Variants in GSG1L observed in about 807,000 individuals in gnomAD.
GSG1L encodes GSG1 like, also known as germ cell-specific gene 1-like protein.
In GSG1L, 24 loss-of-function variants were observed where a neutral mutation model predicts 42.1. The observed-to-expected ratio is 0.57, with a 90% CI of 0.41 to 0.80. The LOEUF is 0.80. Ranked by LOEUF, GSG1L falls within the 30% of genes least tolerant of loss-of-function variation. GSG1L has a pLI of 0.00. For missense variants in GSG1L, 445 were observed against 472.2 expected (o/e 0.94, Z 0.53); for synonymous variants, 215 against 203.5 (o/e 1.06, Z -0.48).
At chr16:27,858,188 G>T (rs1340335038) in intron 3 of GSG1L, among the ~76,000 whole-genome samples, 1 of 152,188 alleles carries the variant, frequency 6.6e-6, no homozygotes, top group African/African-American at 2.4e-5. Context: ...TAAGAAAGCT[G>T]CCTGTGCACT....
intron 1 of GSG1L, among the ~76,000 whole-genome samples, chr16:27,985,400 C>G (rs2085369885): frequency 6.6e-6 from 1 of 152,114 alleles, no homozygotes; most frequent in Non-Finnish European, 1.5e-5. Context: ...TTCTCTAGCT[C>G]TCTCTCTCAC....
intron 5 of GSG1L, among the ~76,000 whole-genome samples, chr16:27,824,623 T>C (rs1315403074): frequency 6.6e-6 from 1 of 151,220 alleles, no homozygotes; most frequent in African/African-American, 2.4e-5. Flanking sequence ...GGAAGGGAAA[T>C]AAAATTTGAT....
rs764204842 is a variant in GSG1L, at chr16:27,884,535, G to T, written c.501C>A (p.Ile167=). ...CLELFHSSNV[I]DGLKLNAFAA... ...CGAAGGCATTGAGCTTGAGCCCGTC[G>T]ATGACATTGCTGGAGTGGAAGAGCT... is the stretch of plus-strand genomic sequence containing the variant. Residue 167 remains isoleucine, a synonymous_variant, in exon 3 of 7, where the codon ATC becomes ATA. Transcript: ENST00000447459. The surrounding 1 kb of genome is among the most constrained non-coding windows in gnomAD (Gnocchi z 4.4). 2 of 1,613,892 alleles carry T rather than the reference G, an allele frequency of 1.2e-6. No individual in the cohort carries two copies. Among genetic ancestry groups the T allele is most frequent in the Non-Finnish European group, 1.7e-6 (2 of 1,179,926 alleles).
chr16:27,927,834 A>G (rs561842983), intron 2 of GSG1L, among the ~76,000 whole-genome samples: 10 of 152,230 alleles, frequency 6.6e-5, no homozygotes, highest in South Asian at 2.1e-4. Flanking sequence ...AGGAGCATCG[A>G]TGCCCACACC....
At chr16:28,051,174 T>A (rs892409211) in intron 1 of GSG1L, among the ~76,000 whole-genome samples, 1 of 152,096 alleles carries the variant, frequency 6.6e-6, no homozygotes, top group African/African-American at 2.4e-5. Context: ...CCCAGGAAAT[T>A]TGGCTTTTGG....
chr16:28,063,056 C>G lies in GSG1L; in HGVS notation c.349+20G>C. ...CCGGGGGAGCCGGAGCCGAGCTGGC[C>G]GCCGCCCGCGCGCACTCACCAAGCC... On this transcript the variant is annotated intron_variant, in intron 1 of 6. Transcript: ENST00000447459. The surrounding 1 kb of genome is among the most constrained non-coding windows in gnomAD (Gnocchi z 5.8). The G allele has an allele frequency of 7.2e-7, 1 of 1,395,736 alleles. No homozygotes were observed. Among genetic ancestry groups the G allele is most frequent in the South Asian group, 1.4e-5 (1 of 69,966 alleles). 86.5% of individuals were successfully genotyped at this position (1,395,736 alleles called of 1,614,324 possible). A position where few individuals can be genotyped will look rare whatever the true frequency, so the allele number is the denominator to read the frequency against.
intron 2 of GSG1L, among the ~76,000 whole-genome samples, chr16:27,904,228 C>T (rs1596601060): frequency 1.4e-5 from 2 of 147,138 alleles, no homozygotes; most frequent in South Asian, 2.2e-4. Flanking sequence ...TACCACCATG[C>T]CTAGCTAATT....
rs1187017971 is a variant in GSG1L, at chr16:28,059,219, C to T, written c.349+3857G>A. Among the ~76,000 whole-genome samples, 1 of 152,172 alleles carries T rather than the reference C, an allele frequency of 6.6e-6. No homozygotes were observed. The highest frequency in any genetic ancestry group is 1.5e-5 in the Non-Finnish European group (1 of 68,028). ...CACGCTGCTAGTAAGAGGCTGAGCC[C>T]AGCCTTGAACTTCCACCAGTTCTAC... On this transcript the variant is annotated intron_variant, in intron 1 of 6. Transcript: ENST00000447459. This position sits in a 1 kb window ranked among gnomAD's most constrained non-coding sequence, Gnocchi z 4.4.
chr16:27,950,547 G>A (rs1395932026), intron 2 of GSG1L, among the ~76,000 whole-genome samples: 1 of 152,020 alleles, frequency 6.6e-6, no homozygotes, highest in Admixed American at 6.6e-5. Context: ...GAGGTGGGAG[G>A]GCCAGGTGTG....
intron 1 of GSG1L, among the ~76,000 whole-genome samples, chr16:27,989,748 A>AG (rs1373869821): frequency 6.6e-6 from 1 of 151,880 alleles, no homozygotes; most frequent in Admixed American, 6.6e-5. Flanking sequence ...TAAAAAAAAA[A>AG]AACAACAAAC....
At chr16:27,920,933 AG>A (rs2084517797) in intron 2 of GSG1L, among the ~76,000 whole-genome samples, 1 of 152,184 alleles carries the variant, frequency 6.6e-6, no homozygotes. Context: ...AGATGGAAGC[AG>A]GTGATTTCTA....
chr16:27,897,335 A>C (rs1307654924), intron 2 of GSG1L, among the ~76,000 whole-genome samples: 2 of 150,034 alleles, frequency 1.3e-5, no homozygotes, highest in Non-Finnish European at 3.0e-5. Context: ...GTCTCGTGCT[A>C]TCACCCAGGC....
chr16:27,869,334 T>C (rs2083772628), intron 3 of GSG1L, among the ~76,000 whole-genome samples: 1 of 151,642 alleles, frequency 6.6e-6, no homozygotes, highest in African/African-American at 2.4e-5. Context: ...ACTTTGATGA[T>C]GGGCTGGTAT....
At position 28,034,026 on chromosome 16, in the gene GSG1L, T is replaced by C. The variant is rs541771849; in HGVS notation, c.349+29050A>G. ...GAGACCAGACTGAGGCTCACAGGGT[T>C]CCCATGCAGGACTTGAGACTTGGGA... is the stretch of plus-strand genomic sequence containing the variant. On this transcript the variant is annotated intron_variant, in intron 1 of 6. Transcript: ENST00000447459. Among the ~76,000 whole-genome samples the C allele has an allele frequency of 1.1e-4, 17 of 152,164 alleles. No homozygotes were observed. The South Asian group carries it at 3.5e-3, about 32-fold the overall frequency.
Position 27,865,610 on chromosome 16 carries a change from C to T in GSG1L, c.550+18876G>A, listed in dbSNP as rs367591720. Among the ~76,000 whole-genome samples, 78 of 133,916 alleles carry T rather than the reference C, an allele frequency of 5.8e-4. No homozygotes were observed. In the East Asian group the frequency reaches 7.0e-3, roughly 12 times the overall value. The allele number at this position is 133,916 out of a possible 152,430, so 87.9% of individuals were successfully genotyped here. A position where few individuals can be genotyped will look rare whatever the true frequency, so the allele number is the denominator to read the frequency against. On this transcript the variant is annotated intron_variant, in intron 3 of 6. Coordinates refer to ENST00000447459, the MANE Select transcript of GSG1L (RefSeq NM_001109763.2). ...ACATACATACACACACATATATATA[C>T]ACACACACACATATATATGTGTGTA...
chr16:27,880,548 G>A (rs1056812027), intron 3 of GSG1L, among the ~76,000 whole-genome samples: 1 of 152,278 alleles, frequency 6.6e-6, no homozygotes, highest in East Asian at 1.9e-4. Context: ...ACCTCCCTGA[G>A]CCTGGATTGT....
intron 3 of GSG1L, among the ~76,000 whole-genome samples, chr16:27,883,880 G>A (rs1445091408): frequency 6.6e-6 from 1 of 152,218 alleles, no homozygotes; most frequent in Non-Finnish European, 1.5e-5. Context: ...CTATGATGCA[G>A]TTGACTGTCC....
At position 27,884,748 on chromosome 16, in the gene GSG1L, A is replaced by C; in HGVS notation, c.398-110T>G. 1 of 1,120,406 alleles carries C rather than the reference A, an allele frequency of 8.9e-7. No homozygotes were observed. The highest frequency in any genetic ancestry group is 1.2e-6 in the Non-Finnish European group (1 of 805,540). The allele number at this position is 1,120,406 out of a possible 1,614,324, so 69.4% of individuals were successfully genotyped here. A position where few individuals can be genotyped will look rare whatever the true frequency, so the allele number is the denominator to read the frequency against. ...AGGGTAGCAAGTCATTCTAGAATAGAACCTGGTTCTGGGGGAGGTCCTGAT... is the reference window on the plus strand; with the variant it reads ...AGGGTAGCAAGTCATTCTAGAATAGCACCTGGTTCTGGGGGAGGTCCTGAT... On this transcript the variant is annotated intron_variant, in intron 2 of 6. Coordinates refer to ENST00000447459, the MANE Select transcript of GSG1L (RefSeq NM_001109763.2). This position sits in a 1 kb window ranked among gnomAD's most constrained non-coding sequence, Gnocchi z 4.4.
intron 1 of GSG1L, among the ~76,000 whole-genome samples, chr16:28,053,940 C>T (rs1451140414): frequency 6.6e-6 from 1 of 152,160 alleles, no homozygotes; most frequent in Admixed American, 6.5e-5. Context: ...TCTCTCTCCT[C>T]GCTCGCTCCC....
Sources: allele counts gnomAD v4.1 joint callset (sites outside exome capture counted in the v4.1 genomes callset), GRCh38; gene constraint gnomAD v4.1.1; non-coding constraint Gnocchi (gnomAD v3.1); transcripts MANE v1.5; gene names NCBI Gene and HGNC (gene_info 2026-07-23, HGNC 2026-07-21).